The following CALU variants were observed in gnomAD, a reference collection of about 807,000 sequenced individuals.
The protein encoded by CALU is IEF SSP 9302.
Under a neutral mutation model 37.5 loss-of-function variants are expected in CALU, and 13 were observed. The observed-to-expected ratio is 0.35, with a 90% CI of 0.23 to 0.55. The LOEUF is 0.55. Among genes scored for constraint, CALU ranks in the 20% least tolerant of loss-of-function variants. The probability of loss-of-function intolerance (pLI) is 0.89; values close to 1 mark genes in which losing one functional copy is unlikely to be tolerated. For synonymous variants in CALU, 114 were observed against 133.8 expected, an observed-to-expected ratio of 0.85 and a Z score of 1.02; for missense variants, 282 against 391.7, an observed-to-expected ratio of 0.72 and a Z score of 2.36.
chr7:128,768,951 G>T, intron 6 of CALU, 112 bp from the exon 7 acceptor site: 1 of 588,444 alleles, frequency 1.7e-6, no homozygotes. Flanking sequence ...ACTTAATTTA[G>T]TAGAAATGAG....
At chr7:128,745,276 C>T (rs1800386721) in intron 1 of CALU, among the ~76,000 whole-genome samples, 2 of 152,280 alleles carry the variant, frequency 1.3e-5, no homozygotes, top group South Asian at 4.1e-4. Context: ...AAAACATCAA[C>T]AACATATAAT....
chr7:128,750,220 C>CAAAAAAAAAAAA (rs398006225), intron 2 of CALU, among the ~76,000 whole-genome samples: 1 of 75,098 alleles, frequency 1.3e-5, no homozygotes, highest in African/African-American at 4.9e-5. Context: ...AGAGCCATCT[C>CAAAAAAAAAAAA]AAAAAAAAAA....
rs535941156 is a variant in CALU, at chr7:128,740,893, T to A, written c.-12+1461T>A. On this transcript the variant is annotated intron_variant, in intron 1 of 6. Coordinates refer to ENST00000249364, the MANE Select transcript of CALU (RefSeq NM_001219.5). ...TATTGGGATCTATATATTGGTGTTA[T>A]TTTTTAAAATTTATTTATTTTAGAG... 1.1e-4 allele frequency among the ~76,000 whole-genome samples: 17 copies of A among 152,318 alleles called. 1 individual carries two copies. In the East Asian group the frequency reaches 2.3e-3, roughly 21 times the overall value.
At chr7:128,746,791 C>T (rs1284504973) in intron 1 of CALU, among the ~76,000 whole-genome samples, 6 of 96,198 alleles carry the variant, frequency 6.2e-5, no homozygotes, top group Admixed American at 1.1e-4. Context: ...TTTTTTGAGA[C>T]GGAGTCTCAC....
At chr7:128,752,064 A>G (rs1275294967) in intron 2 of CALU, among the ~76,000 whole-genome samples, 1 of 152,204 alleles carries the variant, frequency 6.6e-6, no homozygotes, top group Non-Finnish European at 1.5e-5. Context: ...GCCCACTTCC[A>G]GTGTACTTAC....
chr7:128,752,219 T>C (rs1800702986), intron 2 of CALU, among the ~76,000 whole-genome samples: 1 of 152,190 alleles, frequency 6.6e-6, no homozygotes, highest in East Asian at 1.9e-4. Flanking sequence ...GTCCCTTTTT[T>C]AAAAAAGAAG....
rs1224906903 is a variant in CALU at position 128,758,874 on chromosome 7, A to T, written c.419A>T (p.Asp140Val). Reference sequence around the variant, plus strand: ...GACCTAAATTTTTGTTTTCTAGATGATCCAGATCCTGATGATGGATTTAAC... The same window carrying T: ...GACCTAAATTTTTGTTTTCTAGATGTTCCAGATCCTGATGATGGATTTAAC... ...KNATYGYVLD[D>V]PDPDDGFNYK... is the part of the protein sequence containing the mutation. Residue 140 changes from aspartate (D) to valine (V), a missense_variant, in exon 4 of 7, where the codon GAT becomes GTT. Physicochemically the swap from Asp to Val is radical, Grantham distance 152 (BLOSUM62 -3). Coordinates refer to ENST00000249364, the MANE Select transcript of CALU (RefSeq NM_001219.5). 6.8e-6 allele frequency: 11 copies of T among 1,611,604 alleles called. No individual in the cohort carries two copies. Among genetic ancestry groups the T allele is most frequent in the Non-Finnish European group, 9.3e-6 (11 of 1,178,670 alleles).
At chr7:128,757,679 G>A (rs200879415) in intron 3 of CALU, among the ~76,000 whole-genome samples, 5 of 152,134 alleles carry the variant, frequency 3.3e-5, no homozygotes, top group South Asian at 4.1e-4. Flanking sequence ...CATTAATGTG[G>A]TGTCTTTTAC....
At chr7:128,765,034 A>G (rs1362949009) in intron 5 of CALU, among the ~76,000 whole-genome samples, 5 of 151,784 alleles carry the variant, frequency 3.3e-5, no homozygotes, top group Admixed American at 3.3e-4. Flanking sequence ...TGATCCTCTC[A>G]CCTCAGCTGG....
intron 1 of CALU, among the ~76,000 whole-genome samples, chr7:128,747,180 A>G (rs1800480192): frequency 1.3e-5 from 2 of 152,176 alleles, no homozygotes; most frequent in Admixed American, 1.3e-4. Flanking sequence ...GTCATCATTG[A>G]ACATCTTAAT....
chr7:128,761,500 G>A (rs938638498), intron 5 of CALU: 1 of 152,218 alleles, frequency 6.6e-6, no homozygotes, highest in African/African-American at 2.4e-5. Flanking sequence ...GCCCGGGACA[G>A]AATCAGAGCA....
intron 1 of CALU, among the ~76,000 whole-genome samples, chr7:128,741,752 G>T (rs1800250314): frequency 6.6e-6 from 1 of 152,136 alleles, no homozygotes; most frequent in Non-Finnish European, 1.5e-5. Flanking sequence ...AGAAACCAAG[G>T]CTCCTATCCC....
Position 128,767,576 on chromosome 7 carries a change from A to G in CALU, c.764A>G (p.Lys255Arg). 2.5e-6 allele frequency: 4 copies of G among 1,614,126 alleles called. No homozygotes were observed. The highest frequency in any genetic ancestry group is 3.4e-6 in the Non-Finnish European group (4 of 1,179,984). Residue 255 changes from lysine to arginine, a missense_variant, in exon 6 of 7, where the codon AAA (lysine) becomes AGA (arginine). By Grantham distance (26) the Lys-to-Arg change is conservative. Coordinates refer to ENST00000249364, the MANE Select transcript of CALU (RefSeq NM_001219.5). ...RDGKMDKEET[K>R]DWILPSDYDH... The stretch of plus-strand genomic sequence containing the variant: ...GGGAAGATGGACAAGGAAGAGACCA[A>G]AGACTGGATCCTTCCCTCAGACTAT...
chr7:128,752,150 TACAC>T (rs755223662), intron 2 of CALU, among the ~76,000 whole-genome samples: 1 of 151,006 alleles, frequency 6.6e-6, no homozygotes, highest in Non-Finnish European at 1.5e-5. Flanking sequence ...AAAAAAAAAA[TACAC>T]ACACACACAC....
chr7:128,763,255 G>T (rs1801193945), intron 5 of CALU, among the ~76,000 whole-genome samples: 1 of 152,160 alleles, frequency 6.6e-6, no homozygotes, highest in Non-Finnish European at 1.5e-5. Context: ...ATTCGGCCGA[G>T]CATGGTGGCT....
At chr7:128,760,059 G>A (rs930805711) in intron 5 of CALU, among the ~76,000 whole-genome samples, 3 of 152,194 alleles carry the variant, frequency 2.0e-5, no homozygotes, top group Non-Finnish European at 4.4e-5. Context: ...TTAGTTGGGT[G>A]TGGTGGCGGG....
chr7:128,757,084 A>T (rs552208003), intron 3 of CALU, among the ~76,000 whole-genome samples: 18 of 141,098 alleles, frequency 1.3e-4, no homozygotes, highest in African/African-American at 3.0e-4. Context: ...ACTATAAATT[A>T]AAAAAAAAAA....
intron 4 of CALU, 51 bp downstream of exon 4, chr7:128,759,088 C>A: frequency 1.4e-6 from 2 of 1,428,320 alleles, no homozygotes; most frequent in South Asian, 1.3e-5. Context: ...CTTTTTGTGG[C>A]TTATTCTGTC....
intron 1 of CALU, chr7:128,747,573 T>C (rs1366260566): frequency 1.3e-5 from 2 of 152,090 alleles, no homozygotes; most frequent in African/African-American, 4.8e-5. Flanking sequence ...CCTCCCCCAC[T>C]GAGCTGCCTT....
Sources: gnomAD v4.1 joint callset for allele counts (sites outside exome capture counted in the v4.1 genomes callset) on GRCh38, gnomAD v4.1.1 for gene constraint, MANE v1.5 for transcripts, NCBI Gene and HGNC (gene_info 2026-07-23, HGNC 2026-07-21) for gene names.